Variants in TMPRSS11D observed in about 807,000 individuals in gnomAD.
TMPRSS11D encodes the protein transmembrane protease serine 11D.
In TMPRSS11D, 32 loss-of-function variants were observed where a neutral mutation model predicts 44.4. The ratio of observed to expected loss-of-function variants is 0.72; its 90% CI spans 0.54 to 0.97. The LOEUF is 0.97. Ranked by LOEUF, TMPRSS11D falls within the 50% of genes least tolerant of loss-of-function variation. The pLI is 0.00. For synonymous variants in TMPRSS11D, 179 were observed against 177.9 expected (o/e 1.01, Z -0.05); for missense variants, 446 against 502.6 (o/e 0.89, Z 1.08).
intron 3 of TMPRSS11D, among the ~76,000 whole-genome samples, chr4:67,853,529 A>G (rs1481416973): frequency 6.6e-6 from 1 of 152,154 alleles, no homozygotes; most frequent in Non-Finnish European, 1.5e-5. Context: ...GTGACACATG[A>G]ATGTTAAGGG....
At chr4:67,854,416 T>G (rs1718584999) in intron 2 of TMPRSS11D, among the ~76,000 whole-genome samples, 1 of 151,874 alleles carries the variant, frequency 6.6e-6, no homozygotes, top group Non-Finnish European at 1.5e-5. Flanking sequence ...GTGGTATTAT[T>G]ATTTGAGAAA....
intron 3 of TMPRSS11D, among the ~76,000 whole-genome samples, chr4:67,844,552 T>C (rs573684235): frequency 6.6e-6 from 1 of 152,056 alleles, no homozygotes; most frequent in African/African-American, 2.4e-5. Context: ...GGCAAGTGGA[T>C]CACTTGAGGT....
At chr4:67,870,074 C>T (rs1299429171) in intron 1 of TMPRSS11D, among the ~76,000 whole-genome samples, 1 of 152,174 alleles carries the variant, frequency 6.6e-6, no homozygotes, top group Non-Finnish European at 1.5e-5. Context: ...TGCTCAGTTT[C>T]ATACGCTTTT....
chr4:67,860,862 G>A (rs1471095959), intron 1 of TMPRSS11D, among the ~76,000 whole-genome samples: 2 of 152,046 alleles, frequency 1.3e-5, no homozygotes, highest in African/African-American at 4.8e-5. Context: ...AATGTTGCCT[G>A]GTATTGTTTG....
At chr4:67,846,782 A>G (rs1718368257) in intron 3 of TMPRSS11D, among the ~76,000 whole-genome samples, 2 of 68,882 alleles carry the variant, frequency 2.9e-5, no homozygotes, top group African/African-American at 6.0e-5. Context: ...GAACTTTTAC[A>G]GATAACATAC....
At chr4:67,854,310 G>C (rs541417145) in intron 2 of TMPRSS11D, 124 bp from the exon 3 acceptor site, 78 of 531,802 alleles carry the variant, frequency 1.5e-4, no homozygotes, top group Middle Eastern at 9.5e-4. Context: ...GAAAGAAAAA[G>C]TTCTATGCTT....
At chr4:67,834,472 T>C (rs1328443866) in intron 6 of TMPRSS11D, among the ~76,000 whole-genome samples, 2 of 152,164 alleles carry the variant, frequency 1.3e-5, no homozygotes, top group Non-Finnish European at 2.9e-5. Flanking sequence ...GTACCTAAGA[T>C]AGGCCAGCTA....
chr4:67,836,160 C>T (rs1405879105), intron 5 of TMPRSS11D, among the ~76,000 whole-genome samples: 1 of 152,098 alleles, frequency 6.6e-6, no homozygotes, highest in Non-Finnish European at 1.5e-5. Flanking sequence ...ATTATTCCAT[C>T]CTCCTCACTC....
At chr4:67,830,237 T>A (rs1717911886) in intron 7 of TMPRSS11D, among the ~76,000 whole-genome samples, 1 of 152,070 alleles carries the variant, frequency 6.6e-6, no homozygotes, top group African/African-American at 2.4e-5. Context: ...GGTGCGTGCA[T>A]GTACCTTTAA....
At chr4:67,857,744 G>A (rs1209521606) in intron 2 of TMPRSS11D, among the ~76,000 whole-genome samples, 1 of 152,044 alleles carries the variant, frequency 6.6e-6, no homozygotes, top group Non-Finnish European at 1.5e-5. Context: ...AAGAGAGGTT[G>A]GCTAACAGAT....
chr4:67,870,364 C>G (rs979618526), intron 1 of TMPRSS11D, among the ~76,000 whole-genome samples: 11 of 152,168 alleles, frequency 7.2e-5, no homozygotes, highest in African/African-American at 2.7e-4. Flanking sequence ...TCCTCAAGCA[C>G]AATAGGCCCT....
intron 5 of TMPRSS11D, among the ~76,000 whole-genome samples, chr4:67,835,470 T>A (rs1718057433): frequency 6.6e-6 from 1 of 152,200 alleles, no homozygotes; most frequent in Non-Finnish European, 1.5e-5. Context: ...AGATGCAATG[T>A]GATAAATACT....
At chr4:67,851,035 C>T (rs1464458233) in intron 3 of TMPRSS11D, among the ~76,000 whole-genome samples, 1 of 152,112 alleles carries the variant, frequency 6.6e-6, no homozygotes, top group African/African-American at 2.4e-5. Context: ...TGACTACCTG[C>T]CCAGGGCTAT....
chr4:67,847,796 C>T (rs1479932618), intron 3 of TMPRSS11D, among the ~76,000 whole-genome samples: 2 of 151,964 alleles, frequency 1.3e-5, no homozygotes, highest in African/African-American at 2.4e-5. Context: ...TGTAAAATGA[C>T]CTTTGAGTAT....
chr4:67,841,087 AAGC>A (rs1213756909), intron 4 of TMPRSS11D, among the ~76,000 whole-genome samples: 3 of 152,194 alleles, frequency 2.0e-5, no homozygotes, highest in African/African-American at 2.4e-5. Context: ...AAAAATAAAG[AAGC>A]AGTCATACTG....
At chr4:67,858,515 GATTGTGTATCATT>G (rs1225939222) in intron 2 of TMPRSS11D, among the ~76,000 whole-genome samples, 3 of 152,118 alleles carry the variant, frequency 2.0e-5, no homozygotes, top group Non-Finnish European at 4.4e-5. Context: ...TGGCTGAAAT[GATTGTGTATCATT>G]ATTGGTATTT....
Position 67,840,662 on chromosome 4 carries a change from AAG to A in TMPRSS11D, c.317+1894_317+1895del, listed in dbSNP as rs1252334805. 2.0e-5 allele frequency among the ~76,000 whole-genome samples: 3 copies of A among 152,200 alleles called. No homozygotes were observed. The East Asian group carries it at 5.8e-4, about 29-fold the overall frequency. ...TAATTGTACATTTAAAAATAACTAA[AAG>A]AATATAATTGGATTGTTTGTAACAC... On this transcript the variant is annotated intron_variant, in intron 4 of 9. Coordinates refer to ENST00000283916, the MANE Select transcript of TMPRSS11D (RefSeq NM_004262.3).
At chr4:67,875,287 T>G (rs1303696774) in intron 1 of TMPRSS11D, among the ~76,000 whole-genome samples, 1 of 152,182 alleles carries the variant, frequency 6.6e-6, no homozygotes, top group Non-Finnish European at 1.5e-5. Context: ...GGAAAGCTGT[T>G]GTAATCAGAA....
At chr4:67,822,769 T>C (rs1053343070) in intron 9 of TMPRSS11D, among the ~76,000 whole-genome samples, 1 of 152,210 alleles carries the variant, frequency 6.6e-6, no homozygotes, top group Non-Finnish European at 1.5e-5. Flanking sequence ...TCATCCAGGC[T>C]TTCTCTCCTT....
Sources: gnomAD v4.1 joint callset for allele counts (sites outside exome capture counted in the v4.1 genomes callset) on GRCh38, gnomAD v4.1.1 for gene constraint, MANE v1.5 for transcripts, NCBI Gene and HGNC (gene_info 2026-07-23, HGNC 2026-07-21) for gene names.